Variants in SLC9A4 observed in about 807,000 individuals in gnomAD.
SLC9A4 encodes the protein solute carrier family 9 member A4.
SLC9A4 carries 63 observed loss-of-function variants against 67.4 expected under a neutral mutation model. The ratio of observed to expected loss-of-function variants is 0.93; its 90% CI spans 0.76 to 1.15. The LOEUF (loss-of-function observed/expected upper bound fraction) is 1.15, where lower values mean the gene tolerates loss of function less well. Among genes scored for constraint, SLC9A4 ranks in the 50% most tolerant of loss-of-function variants. SLC9A4 has a pLI of 0.00. For synonymous variants in SLC9A4, 393 were observed against 367.2 expected (o/e 1.07, Z -0.80); for missense variants, 1,089 against 987.7 (o/e 1.10, Z -1.38).
intron 2 of SLC9A4, among the ~76,000 whole-genome samples, chr2:102,484,716 A>C (rs1684548411): frequency 6.6e-6 from 1 of 152,162 alleles, no homozygotes; most frequent in Non-Finnish European, 1.5e-5. Context: ...TAAGCAACAA[A>C]GTGAGGCCAC....
intron 10 of SLC9A4, 58 bp from the exon 11 acceptor site, chr2:102,526,201 G>A (rs1674661849): frequency 1.9e-6 from 3 of 1,557,452 alleles, no homozygotes; most frequent in East Asian, 2.3e-5. Context: ...TATTTGCCAT[G>A]TGAAGCTCTT....
chr2:102,495,809 T>C (rs541031590), intron 2 of SLC9A4, among the ~76,000 whole-genome samples: 2 of 152,112 alleles, frequency 1.3e-5, no homozygotes, highest in African/African-American at 2.4e-5. Context: ...CTGGTATCCA[T>C]GTGGAAAACA....
At chr2:102,521,306 C>A (rs1442225973) in intron 9 of SLC9A4, among the ~76,000 whole-genome samples, 3 of 152,178 alleles carry the variant, frequency 2.0e-5, no homozygotes, top group Non-Finnish European at 4.4e-5. Flanking sequence ...TCCAAGATAG[C>A]ATCCTTTGGT....
intron 2 of SLC9A4, among the ~76,000 whole-genome samples, chr2:102,484,575 G>T (rs925077796): frequency 6.6e-6 from 1 of 152,146 alleles, no homozygotes. Context: ...AGCAGCTCCC[G>T]GACACTGTTT....
intron 1 of SLC9A4, among the ~76,000 whole-genome samples, chr2:102,478,522 T>C (rs1684380238): frequency 6.6e-6 from 1 of 152,178 alleles, no homozygotes; most frequent in African/African-American, 2.4e-5. Flanking sequence ...CTTGCACGAG[T>C]GCAAAAGTTT....
At chr2:102,524,699 G>A (rs1674623309) in intron 9 of SLC9A4, among the ~76,000 whole-genome samples, 1 of 152,028 alleles carries the variant, frequency 6.6e-6, no homozygotes, top group Non-Finnish European at 1.5e-5. Context: ...TCACTGGCCT[G>A]GCATCAAAAA....
intron 8 of SLC9A4, among the ~76,000 whole-genome samples, chr2:102,515,122 G>A (rs184153608): frequency 8.4e-4 from 128 of 152,054 alleles, no homozygotes; most frequent in Non-Finnish European, 1.6e-3. Context: ...ATATATTTAG[G>A]ATAAGGAACA....
At chr2:102,497,226 C>A (rs1029911232) in intron 2 of SLC9A4, among the ~76,000 whole-genome samples, 1 of 152,232 alleles carries the variant, frequency 6.6e-6, no homozygotes, top group Non-Finnish European at 1.5e-5. Flanking sequence ...AGCCACCGTG[C>A]CTGGCCTGAC....
Position 102,533,696 on chromosome 2 carries a change from A to G in SLC9A4, c.*1008A>G, listed in dbSNP as rs191995068. On this transcript the variant is annotated 3_prime_UTR_variant, in exon 12 of 12. Coordinates refer to ENST00000295269, the MANE Select transcript of SLC9A4 (RefSeq NM_001011552.4). Reference sequence around the variant, plus strand: ...GTGTGATGTTCCCCTTCCTGTGTCCATGTGATCTCATTGTTCAATTCCCAC... The same window carrying G: ...GTGTGATGTTCCCCTTCCTGTGTCCGTGTGATCTCATTGTTCAATTCCCAC... 9.1e-4 allele frequency: 115 copies of G among 125,758 alleles called. 1 individual carries two copies. The highest frequency in any genetic ancestry group is 4.1e-4 in the Non-Finnish European group (26 of 63,372). 7.8% of individuals were successfully genotyped at this position (125,758 alleles called of 1,614,324 possible). A position where few individuals can be genotyped will look rare whatever the true frequency, so the allele number is the denominator to read the frequency against.
In SLC9A4 at chr2:102,500,989, C is replaced by T. The variant is rs901262372; in HGVS notation, c.721-2459C>T. Among the ~76,000 whole-genome samples, 6 of 146,570 alleles carry T rather than the reference C, an allele frequency of 4.1e-5. No individual in the cohort carries two copies. The East Asian group carries it at 9.9e-4, about 24-fold the overall frequency. On this transcript the variant is annotated intron_variant, in intron 2 of 11. Transcript: ENST00000295269. ...TTTTTTTTTTAGTAAGATAGAGTTTCGCTCTTGTCACCCAGGTTGGAGTGC... is the reference window on the plus strand; with the variant it reads ...TTTTTTTTTTAGTAAGATAGAGTTTTGCTCTTGTCACCCAGGTTGGAGTGC...
At position 102,479,129 on chromosome 2, in the gene SLC9A4, G is replaced by GCCTT; in HGVS notation, c.547_548insCCTT (p.Val183AlafsTer35). 1 of 1,614,186 alleles carries GCCTT rather than the reference G, an allele frequency of 6.2e-7. No homozygotes were observed. The highest frequency in any genetic ancestry group is 8.5e-7 in the Non-Finnish European group (1 of 1,180,022). On this transcript the variant is annotated frameshift_variant, in exon 2 of 12. Coordinates refer to ENST00000295269, the MANE Select transcript of SLC9A4 (RefSeq NM_001011552.4). LOFTEE classifies it high-confidence loss of function. The stretch of plus-strand genomic sequence containing the variant: ...CCTCTCCCTCTACCTCATCTGCCAG[G>GCCTT]TGAAGGCCTTTGGCCTGGGCGACGT...
chr2:102,517,741 T>C (rs971822483), intron 8 of SLC9A4, among the ~76,000 whole-genome samples: 13 of 152,216 alleles, frequency 8.5e-5, no homozygotes, highest in African/African-American at 3.1e-4. Flanking sequence ...ATATAAAAGA[T>C]AAGTAAGAAG....
chr2:102,529,400 T>TC (rs996081002), intron 11 of SLC9A4, among the ~76,000 whole-genome samples: 3 of 152,210 alleles, frequency 2.0e-5, no homozygotes, highest in Non-Finnish European at 4.4e-5. Flanking sequence ...ATGTTATGGG[T>TC]CATATGTCTG....
chr2:102,490,191 G>C (rs1445347104), intron 2 of SLC9A4, among the ~76,000 whole-genome samples: 1 of 152,144 alleles, frequency 6.6e-6, no homozygotes, highest in African/African-American at 2.4e-5. Flanking sequence ...AGCTCAAGCA[G>C]TGAAGATTAA....
At chr2:102,492,706 G>C (rs77655148) in intron 2 of SLC9A4, among the ~76,000 whole-genome samples, 14,139 of 152,210 alleles carry the variant, frequency 0.093, 805 homozygotes, top group Middle Eastern at 0.17. Context: ...GGAGACCCTG[G>C]AGACATTTTC....
Position 102,532,546 on chromosome 2 carries a change from A to G in SLC9A4, c.2255A>G (p.His752Arg). 1 of 1,614,088 alleles carries G rather than the reference A, an allele frequency of 6.2e-7. No homozygotes were observed. The highest frequency in any genetic ancestry group is 1.3e-5 in the African/African-American group (1 of 75,050). The change falls in exon 12 of 12, where the codon CAT (histidine) becomes CGT (arginine). Residue 752 changes from histidine to arginine, a missense_variant. Coordinates refer to ENST00000295269, the MANE Select transcript of SLC9A4 (RefSeq NM_001011552.4). ...RVALRPKPLF[H>R]AVDEEGESGG... Reference sequence around the variant, plus strand: ...GCCTTAAGACCCAAACCTCTGTTTCATGCAGTGGATGAGGAGGGTGAGTCT... The same window carrying G: ...GCCTTAAGACCCAAACCTCTGTTTCGTGCAGTGGATGAGGAGGGTGAGTCT...
chr2:102,525,553 A>C (rs1674643785), intron 10 of SLC9A4, among the ~76,000 whole-genome samples: 1 of 151,686 alleles, frequency 6.6e-6, no homozygotes, highest in African/African-American at 2.4e-5. Context: ...TCTCCCAAGA[A>C]GGTATAGGAA....
rs1684400069 is a variant in SLC9A4, at chr2:102,479,151, A to G, written c.569A>G (p.Asp190Gly). 6.2e-7 allele frequency: 1 copy of G among 1,613,966 alleles called. No homozygotes were observed. Among genetic ancestry groups the G allele is most frequent in the Admixed American group, 1.7e-5 (1 of 60,004 alleles). Residue 190 changes from aspartate (D) to glycine (G), a missense_variant, in exon 2 of 12, where the codon GAC (aspartate) becomes GGC (glycine). Asp to Gly is a moderately conservative substitution (Grantham distance 94, BLOSUM62 -1). Transcript: ENST00000295269. ...ICQVKAFGLG[D>G]VNLLQNLLFG... is the part of the protein sequence containing the mutation. ...CAGGTGAAGGCCTTTGGCCTGGGCG[A>G]CGTCAACCTGCTGCAGAACCTGCTG...
intron 8 of SLC9A4, among the ~76,000 whole-genome samples, chr2:102,518,156 C>T (rs1003157005): frequency 6.6e-6 from 1 of 152,180 alleles, no homozygotes; most frequent in Non-Finnish European, 1.5e-5. Flanking sequence ...CCCATTCCAG[C>T]CAGAGCTTGA....
Sources: gnomAD v4.1 joint callset for allele counts (sites outside exome capture counted in the v4.1 genomes callset) on GRCh38, gnomAD v4.1.1 for gene constraint, MANE v1.5 for transcripts, NCBI Gene and HGNC (gene_info 2026-07-23, HGNC 2026-07-21) for gene names.